U2SURP: variants seen among roughly 807,000 people sequenced by gnomAD.
U2SURP encodes the protein U2 snRNP-associated SURP motif-containing protein.
U2SURP carries 9 observed loss-of-function variants against 144.9 expected under a neutral mutation model. The ratio of observed to expected loss-of-function variants is 0.06; its 90% confidence interval spans 0.04 to 0.11. The LOEUF (loss-of-function observed/expected upper bound fraction) is 0.11. U2SURP is among the 10% of genes least tolerant of loss of function. The pLI, the probability that U2SURP is intolerant of heterozygous loss-of-function variation, is 1.00. For synonymous variants in U2SURP, 408 were observed against 396.8 expected (o/e 1.03, Z -0.33); for missense variants, 724 against 1,226.7 (o/e 0.59, Z 6.12).
intron 1 of U2SURP, among the ~76,000 whole-genome samples, chr3:143,006,776 G>A (rs867385036): frequency 2.3e-4 from 35 of 152,326 alleles, no homozygotes; most frequent in Middle Eastern, 6.8e-3. Flanking sequence ...TGAGGAGCAT[G>A]CTGTCTAGTA....
intron 19 of U2SURP, 142 bp from the exon 20 acceptor site, chr3:143,035,840 A>C: frequency 1.3e-6 from 1 of 779,806 alleles, no homozygotes; most frequent in Non-Finnish European, 1.9e-6. Context: ...TATGGTAATG[A>C]TATATAGTTA....
At position 143,035,979 on chromosome 3, in the gene U2SURP, T is replaced by C. The variant is rs758184474; in HGVS notation, c.1942-3T>C. Reference sequence around the variant, plus strand: ...GTTTGTTGTCTGTTTCCTGTTTCTTTAGCAACGGGTAATGACTTGCTTCAG... The same window carrying C: ...GTTTGTTGTCTGTTTCCTGTTTCTTCAGCAACGGGTAATGACTTGCTTCAG... On this transcript the variant is annotated splice_polypyrimidine_tract_variant and splice_region_variant and intron_variant, in intron 19 of 27. Transcript: ENST00000473835. The C allele has an allele frequency of 1.1e-4, 182 of 1,590,208 alleles. 1 individual carries two copies. The highest frequency in any genetic ancestry group is 2.3e-5 in the East Asian group (1 of 44,412).
intron 1 of U2SURP, among the ~76,000 whole-genome samples, chr3:143,003,163 G>C (rs1935625750): frequency 1.3e-5 from 2 of 152,190 alleles, no homozygotes. Flanking sequence ...TCTCATGACT[G>C]AATGTATGGC....
chr3:143,049,388 A>T (rs1934728810), intron 24 of U2SURP, among the ~76,000 whole-genome samples: 1 of 152,204 alleles, frequency 6.6e-6, no homozygotes, highest in Non-Finnish European at 1.5e-5. Context: ...TTGAAGTATA[A>T]ATAAAATGCT....
At position 143,033,169 on chromosome 3, in the gene U2SURP, TAC is replaced by T. The variant is rs1933600556; in HGVS notation, c.1774-101_1774-100del. Reference sequence around the variant, plus strand: ...TCTGCCAGAGTCATAGTTGTGGTGATACTGAGCTTCATATAACTCTTCTAATT... The same window carrying T: ...TCTGCCAGAGTCATAGTTGTGGTGATTGAGCTTCATATAACTCTTCTAATT... On this transcript the variant is annotated intron_variant, in intron 17 of 27. Coordinates refer to ENST00000473835, the MANE Select transcript of U2SURP (RefSeq NM_001080415.2). 3.6e-6 allele frequency: 3 copies of T among 842,518 alleles called. No homozygotes were observed. The South Asian group carries it at 5.3e-5, about 15-fold the overall frequency. The allele number at this position is 842,518 out of a possible 1,614,324, so 52.2% of individuals were successfully genotyped here.
At chr3:143,034,538 A>G (rs1933704632) in intron 18 of U2SURP, 1 of 158,944 alleles carries the variant, frequency 6.3e-6, no homozygotes, top group Non-Finnish European at 1.4e-5. Context: ...TCCTACTCTT[A>G]GGTCTGCTAT....
intron 1 of U2SURP, 108 bp downstream of exon 1, chr3:143,001,781 G>A: frequency 6.9e-7 from 1 of 1,450,850 alleles, no homozygotes; most frequent in South Asian, 1.2e-5. Flanking sequence ...CTGCATTCTA[G>A]TCGCGACGGT....
chr3:143,037,454 T>A, intron 21 of U2SURP, 119 bp downstream of exon 21: 2 of 938,474 alleles, frequency 2.1e-6, no homozygotes, highest in Non-Finnish European at 3.1e-6. Flanking sequence ...ATCAAGTTAT[T>A]AACTTTTCTA....
Position 143,038,962 on chromosome 3 carries a change from TA to T in U2SURP, c.2384+4del. On this transcript the variant is annotated splice_donor_region_variant and intron_variant, in intron 23 of 27. Transcript: ENST00000473835. ...ATCAGAAGAAGAAGAAAATCAAAAG[TA>T]AGAATCTAAGTTTTGAATATACTGT... 6.6e-7 allele frequency: 1 copy of T among 1,516,518 alleles called. No individual in the cohort carries two copies. The highest frequency in any genetic ancestry group is 2.5e-5 in the East Asian group (1 of 40,612). The allele number at this position is 1,516,518 out of a possible 1,614,324, so 93.9% of individuals were successfully genotyped here.
At chr3:143,012,201 C>T (rs1560177070) in intron 2 of U2SURP, 21 bp from the exon 3 acceptor site, 2 of 1,601,250 alleles carry the variant, frequency 1.2e-6, no homozygotes, top group South Asian at 1.1e-5. Flanking sequence ...GTTTTTTTCT[C>T]TTGTTTTACT....
intron 16 of U2SURP, 25 bp downstream of exon 16, chr3:143,028,671 T>C (rs756413298): frequency 1.0e-5 from 16 of 1,560,878 alleles, no homozygotes; most frequent in Admixed American, 2.1e-5. Context: ...CTTTCTATTA[T>C]ATATTCAGAA....
intron 18 of U2SURP, chr3:143,034,582 A>G (rs569399693): frequency 5.7e-6 from 1 of 176,016 alleles, no homozygotes; most frequent in Admixed American, 6.2e-5. Flanking sequence ...CACTTTTCTA[A>G]GTTTTCTGTT....
rs188040338 is a variant in U2SURP at position 143,059,554 on chromosome 3, C to G, written c.*3104C>G. On this transcript the variant is annotated 3_prime_UTR_variant, in exon 28 of 28. Coordinates refer to ENST00000473835, the MANE Select transcript of U2SURP (RefSeq NM_001080415.2). ...TTATATGACCGTGACAATAGTTTAT[C>G]ATCATCATTATTGTTATTCAAAATA... The G allele has an allele frequency of 6.6e-6, 1 of 151,986 alleles. No homozygotes were observed. Among genetic ancestry groups the G allele is most frequent in the African/African-American group, 2.4e-5 (1 of 41,536 alleles). The allele number at this position is 151,986 out of a possible 1,614,324, so 9.4% of individuals were successfully genotyped here. A position where few individuals can be genotyped will look rare whatever the true frequency, so the allele number is the denominator to read the frequency against.
At position 143,043,283 on chromosome 3, in the gene U2SURP, G is replaced by A; in HGVS notation, c.2544+7G>A. On this transcript the variant is annotated splice_region_variant and intron_variant, in intron 24 of 27. Transcript: ENST00000473835. The stretch of plus-strand genomic sequence containing the variant: ...CAAACTTCGTGAAATTGAGGTTGGT[G>A]TTGCAGTGAAACTTAAATTACACTT... The A allele has an allele frequency of 6.3e-7, 1 of 1,586,400 alleles. No individual in the cohort carries two copies. The highest frequency in any genetic ancestry group is 1.2e-5 in the South Asian group (1 of 86,752).
chr3:143,014,086 T>C (rs1936243725), intron 3 of U2SURP, among the ~76,000 whole-genome samples: 1 of 151,990 alleles, frequency 6.6e-6, no homozygotes, highest in Non-Finnish European at 1.5e-5. Context: ...CTTTTGCATG[T>C]TTTTGACCTT....
At chr3:143,052,158 A>G (rs187879769) in intron 25 of U2SURP, among the ~76,000 whole-genome samples, 13 of 152,270 alleles carry the variant, frequency 8.5e-5, no homozygotes, top group Admixed American at 4.6e-4. Context: ...AGGCCGGGCA[A>G]TCACCTCAGG....
intron 1 of U2SURP, among the ~76,000 whole-genome samples, chr3:143,003,629 A>G (rs921905653): frequency 6.7e-6 from 1 of 149,544 alleles, no homozygotes; most frequent in African/African-American, 2.4e-5. Flanking sequence ...CTAAGTCATC[A>G]GCTGTCATAA....
chr3:143,047,533 A>C (rs868238189), intron 24 of U2SURP, among the ~76,000 whole-genome samples: 17 of 17,536 alleles, frequency 9.7e-4, no homozygotes, highest in Non-Finnish European at 1.6e-3. Context: ...CGGGCAGAGG[A>C]GCCCCTCACC....
At chr3:143,004,573 A>ACC (rs753834748) in intron 1 of U2SURP, among the ~76,000 whole-genome samples, 2,199 of 48,252 alleles carry the variant, frequency 0.046, 241 homozygotes, top group East Asian at 0.082. Context: ...TGACCTTGTG[A>ACC]CCCCCCCCCC....
Sources: gnomAD v4.1 joint callset for allele counts (sites outside exome capture counted in the v4.1 genomes callset) on GRCh38, gnomAD v4.1.1 for gene constraint, MANE v1.5 for transcripts, NCBI Gene and HGNC (gene_info 2026-07-23, HGNC 2026-07-21) for gene names.